The following CHERP variants were observed in gnomAD, a reference collection of about 807,000 sequenced individuals.
The protein encoded by CHERP is ERPROT 213-21.
A neutral mutation model predicts 113.8 loss-of-function variants in CHERP; 8 were observed. That is an observed-to-expected ratio of 0.07 (90% CI 0.04 to 0.13). The LOEUF is 0.13. Ranked by LOEUF, CHERP falls within the 10% of genes least tolerant of loss-of-function variation. CHERP has a pLI of 1.00. For synonymous variants in CHERP, 559 were observed against 524.5 expected (o/e 1.07, Z -0.90); for missense variants, 884 against 1,298.2 (o/e 0.68, Z 4.90).
Position 16,523,019 on chromosome 19 carries a change from G to C in CHERP, c.1980+33C>G. ...AGAAACGGGGACCAGTATGGTAAGC[G>C]TGCTCAGCTTGGAGCCCACTGTGGG... On this transcript the variant is annotated intron_variant, in intron 11 of 16. Coordinates refer to ENST00000546361, the MANE Select transcript of CHERP (RefSeq NM_006387.6). The surrounding 1 kb of genome is among the most constrained non-coding windows in gnomAD (Gnocchi z 4.0). 1 of 1,492,326 alleles carries C rather than the reference G, an allele frequency of 6.7e-7. No individual in the cohort carries two copies. Among genetic ancestry groups the C allele is most frequent in the Non-Finnish European group, 8.9e-7 (1 of 1,124,382 alleles). The allele number at this position is 1,492,326 out of a possible 1,614,324, so 92.4% of individuals were successfully genotyped here. A position where few individuals can be genotyped will look rare whatever the true frequency, so the allele number is the denominator to read the frequency against.
rs748650371 is a variant in CHERP at position 16,520,210 on chromosome 19, G to A, written c.2401C>T (p.Arg801Trp). 2.5e-6 allele frequency: 4 copies of A among 1,613,356 alleles called. No individual in the cohort carries two copies. Among genetic ancestry groups the A allele is most frequent in the Admixed American group, 1.7e-5 (1 of 60,010 alleles). The change falls in exon 15 of 17, where the codon CGG becomes TGG. Residue 801 changes from arginine (R) to tryptophan (W), a missense_variant. Physicochemically the swap from Arg to Trp is moderately radical, Grantham distance 101 (BLOSUM62 -3). Coordinates refer to ENST00000546361, the MANE Select transcript of CHERP (RefSeq NM_006387.6). This position sits in a 1 kb window ranked among gnomAD's most constrained non-coding sequence, Gnocchi z 4.0. ...CTTCCTGGGGAGTACGACTTGGACC[G>A]GGACCGCGACTGGGACCGGGAGCGG... ...RSRSRSQSRSRSKSYSPGRRR... is the reference protein window; with the variant it reads ...RSRSRSQSRSWSKSYSPGRRR...
At position 16,541,652 on chromosome 19, in the gene CHERP, G is replaced by T. The variant is rs867233746; in HGVS notation, c.199+218C>A. 3.8e-4 allele frequency: 190 copies of T among 506,326 alleles called. 1 individual carries two copies. The highest frequency in any genetic ancestry group is 1.1e-4 in the Non-Finnish European group (32 of 288,960). The allele number at this position is 506,326 out of a possible 1,614,324, so 31.4% of individuals were successfully genotyped here. A position where few individuals can be genotyped will look rare whatever the true frequency, so the allele number is the denominator to read the frequency against. On this transcript the variant is annotated intron_variant, in intron 2 of 16. Coordinates refer to ENST00000546361, the MANE Select transcript of CHERP (RefSeq NM_006387.6). ...GCAAAATCCCTGATCCAGAGCCCAG[G>T]GGGGAGGATCGAAAACCTCGTTGTT...
Position 16,525,125 on chromosome 19 carries a change from G to T in CHERP, c.1741+117C>A. ...GGCTCCTCGGACGTCCCATGACCCT[G>T]TGTCTGTCACTGTGCACTCAGGAGC... is the stretch of plus-strand genomic sequence containing the variant. On this transcript the variant is annotated intron_variant, in intron 10 of 16. Transcript: ENST00000546361. This position sits in a 1 kb window ranked among gnomAD's most constrained non-coding sequence, Gnocchi z 6.5. The T allele has an allele frequency of 2.0e-6, 2 of 1,013,550 alleles. No homozygotes were observed. Among genetic ancestry groups the T allele is most frequent in the Non-Finnish European group, 2.6e-6 (2 of 755,232 alleles). 62.8% of individuals were successfully genotyped at this position (1,013,550 alleles called of 1,614,324 possible).
chr19:16,529,061 C>T (rs1464568508), intron 8 of CHERP, among the ~76,000 whole-genome samples: 1 of 152,244 alleles, frequency 6.6e-6, no homozygotes, highest in Non-Finnish European at 1.5e-5. Flanking sequence ...GAGACAGGGT[C>T]TCGCTTTGTT....
chr19:16,525,420 G>A lies in CHERP; in HGVS notation c.1563C>T (p.His521=). The change falls in exon 10 of 17, where the codon CAC becomes CAT. Residue 521 remains histidine (H), a synonymous_variant. Coordinates refer to ENST00000546361, the MANE Select transcript of CHERP (RefSeq NM_006387.6). This position sits in a 1 kb window ranked among gnomAD's most constrained non-coding sequence, Gnocchi z 6.5. ...GGTGGGGCGGGAAGGGCCCCCGGAA[G>A]TGTGGGGGCCGCTGCATGCGGAAGG... The part of the protein sequence containing the change: ...EPPFRMQRPP[H]FRGPFPPHQQ... 6.6e-7 allele frequency: 1 copy of A among 1,518,218 alleles called. No homozygotes were observed. Among genetic ancestry groups the A allele is most frequent in the Non-Finnish European group, 8.8e-7 (1 of 1,132,434 alleles). 94.0% of individuals were successfully genotyped at this position (1,518,218 alleles called of 1,614,324 possible).
intron 3 of CHERP, among the ~76,000 whole-genome samples, chr19:16,534,052 C>CT (rs200659711): frequency 0.024 from 3,188 of 133,728 alleles, 132 homozygotes; most frequent in Admixed American, 0.078. Flanking sequence ...ACTTTCTTTT[C>CT]TTTTCTTTTT....
chr19:16,519,222 G>A lies in CHERP; in HGVS notation c.2688C>T (p.Asn896=). 1 of 1,614,078 alleles carries A rather than the reference G, an allele frequency of 6.2e-7. No homozygotes were observed. The highest frequency in any genetic ancestry group is 8.5e-7 in the Non-Finnish European group (1 of 1,180,040). ...VGVALDDPYE[N]YRRNKSYSFI... ...AGGAGTAGCTCTTGTTCCTGCGGTA[G>A]TTCTCATAGGGGTCATCCAGAGCCA... Residue 896 remains asparagine, a synonymous_variant, in exon 17 of 17, where the codon AAC becomes AAT. Coordinates refer to ENST00000546361, the MANE Select transcript of CHERP (RefSeq NM_006387.6). The surrounding 1 kb of genome is among the most constrained non-coding windows in gnomAD (Gnocchi z 6.0).
intron 8 of CHERP, among the ~76,000 whole-genome samples, chr19:16,529,055 C>T (rs2085677111): frequency 6.6e-6 from 1 of 152,232 alleles, no homozygotes; most frequent in South Asian, 2.1e-4. Context: ...TTTTCTGAGA[C>T]AGGGTCTCGC....
In CHERP at chr19:16,530,102, C is replaced by T. The variant is rs750001684; in HGVS notation, c.877-202G>A. 3.3e-5 allele frequency among the ~76,000 whole-genome samples: 5 copies of T among 152,194 alleles called. No individual in the cohort carries two copies. The highest frequency in any genetic ancestry group is 1.3e-4 in the Admixed American group (2 of 15,278). On this transcript the variant is annotated intron_variant, in intron 7 of 16. Transcript: ENST00000546361. The surrounding 1 kb of genome is among the most constrained non-coding windows in gnomAD (Gnocchi z 4.1). The stretch of plus-strand genomic sequence containing the variant: ...CCAGAGATTTGGGGATGAGGATGTT[C>T]GCTGCAGCGTGTTTTACGACTCCCT...
chr19:16,536,518 T>C (rs2085742579), intron 2 of CHERP, among the ~76,000 whole-genome samples: 1 of 151,904 alleles, frequency 6.6e-6, no homozygotes. Flanking sequence ...GTGGAAGGTG[T>C]CGCCCCTCAC....
chr19:16,538,355 A>G (rs2085755091), intron 2 of CHERP, among the ~76,000 whole-genome samples: 1 of 151,936 alleles, frequency 6.6e-6, no homozygotes, highest in Non-Finnish European at 1.5e-5. Flanking sequence ...ACTCCAACAC[A>G]CCCTTTACAT....
chr19:16,519,401 G>A lies in CHERP; in HGVS notation c.2558-49C>T, dbSNP rs779391340. 1 of 1,559,046 alleles carries A rather than the reference G, an allele frequency of 6.4e-7. No homozygotes were observed. Among genetic ancestry groups the A allele is most frequent in the Admixed American group, 1.8e-5 (1 of 55,930 alleles). ...ACCACAACAAGGCGGAGGCAGATGG[G>A]GGTGCACGTGGGGGGCTGAATGTCC... On this transcript the variant is annotated intron_variant, in intron 16 of 16. Transcript: ENST00000546361. This position sits in a 1 kb window ranked among gnomAD's most constrained non-coding sequence, Gnocchi z 6.0.
rs1318614571 is a variant in CHERP at position 16,535,172 on chromosome 19, T to C, written c.384+280A>G. Among the ~76,000 whole-genome samples the C allele has an allele frequency of 6.6e-6, 1 of 152,086 alleles. No individual in the cohort carries two copies. The highest frequency in any genetic ancestry group is 1.5e-5 in the Non-Finnish European group (1 of 68,010). On this transcript the variant is annotated intron_variant, in intron 3 of 16. Transcript: ENST00000546361. This position sits in a 1 kb window ranked among gnomAD's most constrained non-coding sequence, Gnocchi z 4.3. ...CCAGAGGCTGCCTGGCCACAGCCAT[T>C]AGGGAGCTTCAAGGTGCATACGTGC...
At chr19:16,538,098 C>G (rs536248473) in intron 2 of CHERP, among the ~76,000 whole-genome samples, 3 of 152,250 alleles carry the variant, frequency 2.0e-5, no homozygotes, top group East Asian at 3.9e-4. Flanking sequence ...AAACCTTCCA[C>G]GAGTCTCTCC....
rs768646832 is a variant in CHERP at position 16,525,385 on chromosome 19, G to A, written c.1598C>T (p.Pro533Leu). Residue 533 changes from proline to leucine, a missense_variant, in exon 10 of 17, where the codon CCG becomes CTG. Physicochemically the swap from Pro to Leu is moderately conservative, Grantham distance 98 (BLOSUM62 -3). Transcript: ENST00000546361. The surrounding 1 kb of genome is among the most constrained non-coding windows in gnomAD (Gnocchi z 6.5). Reference protein sequence around the residue: ...RGPFPPHQQHPQFNQPPHPHN... With the variant: ...RGPFPPHQQHLQFNQPPHPHN... ...GGGGTGCGGAGGCTGGTTGAACTGC[G>A]GGTGCTGCTGGTGGGGCGGGAAGGG... is the stretch of plus-strand genomic sequence containing the variant. 4.0e-6 allele frequency: 6 copies of A among 1,499,794 alleles called. No individual in the cohort carries two copies. The African/African-American group carries it at 7.1e-5, about 18-fold the overall frequency. The allele number at this position is 1,499,794 out of a possible 1,614,324, so 92.9% of individuals were successfully genotyped here.
chr19:16,532,880 A>C lies in CHERP; in HGVS notation c.522+131T>G, dbSNP rs2085716345. 2 of 1,516,938 alleles carry C rather than the reference A, an allele frequency of 1.3e-6. No homozygotes were observed. The highest frequency in any genetic ancestry group is 4.0e-5 in the Admixed American group (2 of 50,412). 94.0% of individuals were successfully genotyped at this position (1,516,938 alleles called of 1,614,324 possible). On this transcript the variant is annotated intron_variant, in intron 4 of 16. Coordinates refer to ENST00000546361, the MANE Select transcript of CHERP (RefSeq NM_006387.6). The surrounding 1 kb of genome is among the most constrained non-coding windows in gnomAD (Gnocchi z 4.4). ...GAGCGTGGGGGGCACAGGGTCCCAC[A>C]GCCTCAGGAGCTCCAGGCGGGAGGG...
chr19:16,530,699 C>T lies in CHERP; in HGVS notation c.787-25G>A, dbSNP rs770692356. 22 of 1,613,848 alleles carry T rather than the reference C, an allele frequency of 1.4e-5. No individual in the cohort carries two copies. Among genetic ancestry groups the T allele is most frequent in the East Asian group, 1.3e-4 (6 of 44,888 alleles). ...GCTGGCGGTGGGAGGAGAGAGAGGC[C>T]GGGTCAGTGGGGAGGGGAAAGGCCT... On this transcript the variant is annotated intron_variant, in intron 6 of 16. Transcript: ENST00000546361. This position sits in a 1 kb window ranked among gnomAD's most constrained non-coding sequence, Gnocchi z 4.1.
chr19:16,520,036 C>A lies in CHERP; in HGVS notation c.2462+113G>T. On this transcript the variant is annotated intron_variant, in intron 15 of 16. Coordinates refer to ENST00000546361, the MANE Select transcript of CHERP (RefSeq NM_006387.6). This position sits in a 1 kb window ranked among gnomAD's most constrained non-coding sequence, Gnocchi z 4.0. ...GGTGAGGGGTGCCACTGTCCCCGGG[C>A]TAATGCTGGCGGCCTCCTAACACAG... 8.9e-7 allele frequency: 1 copy of A among 1,127,966 alleles called. No individual in the cohort carries two copies. The highest frequency in any genetic ancestry group is 1.4e-5 in the South Asian group (1 of 72,102). The allele number at this position is 1,127,966 out of a possible 1,614,324, so 69.9% of individuals were successfully genotyped here.
intron 11 of CHERP, among the ~76,000 whole-genome samples, chr19:16,522,036 C>T (rs1171042741): frequency 6.6e-6 from 1 of 152,246 alleles, no homozygotes; most frequent in Non-Finnish European, 1.5e-5. Flanking sequence ...GCCTCAGCCC[C>T]GGCCCTGGAG....
Sources: allele counts gnomAD v4.1 joint callset (sites outside exome capture counted in the v4.1 genomes callset), GRCh38; gene constraint gnomAD v4.1.1; non-coding constraint Gnocchi (gnomAD v3.1); transcripts MANE v1.5; gene names NCBI Gene and HGNC (gene_info 2026-07-23, HGNC 2026-07-21).